Variants in PI4KA observed in about 807,000 individuals in gnomAD.
The protein encoded by PI4KA is PI4-kinase alpha.
PI4KA carries 122 observed loss-of-function variants against 271.4 expected under a neutral mutation model. The ratio of observed to expected loss-of-function variants is 0.45; its 90% confidence interval spans 0.39 to 0.52. The LOEUF (loss-of-function observed/expected upper bound fraction) is 0.52, where lower values mean the gene tolerates loss of function less well. Ranked by LOEUF, PI4KA falls within the 20% of genes least tolerant of loss-of-function variation. The pLI is 0.00. For missense variants in PI4KA, 1,969 were observed against 2,769.1 expected (o/e 0.71, Z 6.48); for synonymous variants, 1,041 against 1,078.8 (o/e 0.96, Z 0.69).
At position 20,804,283 on chromosome 22, in the gene PI4KA, G is replaced by A; in HGVS notation, c.1461+17C>T. 1 of 1,559,220 alleles carries A rather than the reference G, an allele frequency of 6.4e-7. No homozygotes were observed. The highest frequency in any genetic ancestry group is 8.9e-7 in the Non-Finnish European group (1 of 1,129,924). ...TACAGGTGGGATCTGAGCCTCTCTG[G>A]GTTCAGGGAGACTGACCTGCAGACA... On this transcript the variant is annotated intron_variant, in intron 12 of 54. Coordinates refer to ENST00000255882, the MANE Select transcript of PI4KA (RefSeq NM_058004.4).
At position 20,763,026 on chromosome 22, in the gene PI4KA, G is replaced by GTGGT. The variant is rs1555888580; in HGVS notation, c.2709-1641_2709-1640insACCA. On this transcript the variant is annotated intron_variant, in intron 22 of 54. Coordinates refer to ENST00000255882, the MANE Select transcript of PI4KA (RefSeq NM_058004.4). ...TTTTTGCTTTTTTTTTTGGGGGGGG[G>GTGGT]GGGGGTTAGAGACAAGTTCTTGCTC... Among the ~76,000 whole-genome samples, 11 of 68,508 alleles carry GTGGT rather than the reference G, an allele frequency of 1.6e-4. 2 individuals are homozygous for GTGGT. The highest frequency in any genetic ancestry group is 5.2e-4 in the East Asian group (1 of 1,940). 44.9% of individuals were successfully genotyped at this position (68,508 alleles called of 152,430 possible).
chr22:20,729,414 G>A lies in PI4KA; in HGVS notation c.4581C>T (p.Asn1527=), dbSNP rs773749115. The part of the protein sequence containing the change: ...LDQAGENSVA[N]WRSKYISLSE... ...TCAGGCTGATGTACTTAGATCTCCA[G>A]TTGGCCACGCTGTTCTCTCCGGCCT... The change falls in exon 39 of 55, where the codon AAC becomes AAT. Residue 1527 remains asparagine (N), a synonymous_variant. Coordinates refer to ENST00000255882, the MANE Select transcript of PI4KA (RefSeq NM_058004.4). The A allele has an allele frequency of 6.8e-6, 11 of 1,613,756 alleles. No individual in the cohort carries two copies. Among genetic ancestry groups the A allele is most frequent in the Non-Finnish European group, 4.2e-6 (5 of 1,179,870 alleles).
At chr22:20,815,917 G>T (rs183691921) in intron 7 of PI4KA, among the ~76,000 whole-genome samples, 1 of 151,912 alleles carries the variant, frequency 6.6e-6, no homozygotes, top group African/African-American at 2.4e-5. Context: ...TGGGATTTAC[G>T]CAGGGGGTGT....
chr22:20,841,795 A>G (rs1012511187), intron 1 of PI4KA, among the ~76,000 whole-genome samples: 11 of 152,160 alleles, frequency 7.2e-5, no homozygotes, highest in African/African-American at 2.7e-4. Context: ...TTAAAAGGAG[A>G]AGAGAGAGGC....
chr22:20,720,085 TATG>T (rs1284892078), intron 43 of PI4KA, among the ~76,000 whole-genome samples: 2 of 106,944 alleles, frequency 1.9e-5, no homozygotes, highest in Non-Finnish European at 4.0e-5. Context: ...TGTGAACAAA[TATG>T]ATTTTTCCAC....
intron 1 of PI4KA, among the ~76,000 whole-genome samples, chr22:20,853,558 G>C (rs1927243960): frequency 6.6e-6 from 1 of 152,214 alleles, no homozygotes. Flanking sequence ...TCTCCCAGAG[G>C]GAGAGGGCTG....
At chr22:20,721,653 A>G in intron 42 of PI4KA, 1 of 518,114 alleles carries the variant, frequency 1.9e-6, no homozygotes. Flanking sequence ...GGCGACAGTC[A>G]GCCTTTGTCT....
At chr22:20,794,076 T>C (rs1934821827) in intron 18 of PI4KA, among the ~76,000 whole-genome samples, 1 of 152,206 alleles carries the variant, frequency 6.6e-6, no homozygotes, top group Non-Finnish European at 1.5e-5. Flanking sequence ...GCTGTAAACA[T>C]ATACACCTAC....
intron 22 of PI4KA, among the ~76,000 whole-genome samples, chr22:20,763,020 G>GGGGGT (rs1555888550): frequency 1.9e-4 from 15 of 76,942 alleles, no homozygotes; most frequent in South Asian, 5.7e-4. Flanking sequence ...TTTTTTTTGG[G>GGGGGT]GGGGGGGGGG....
chr22:20,796,406 CA>C, intron 17 of PI4KA, 92 bp from the exon 18 acceptor site: 1 of 1,207,884 alleles, frequency 8.3e-7, no homozygotes, highest in South Asian at 1.4e-5. Flanking sequence ...CTGAGCGGGC[CA>C]GGCCCAGCCT....
chr22:20,807,292 A>G, intron 10 of PI4KA, 70 bp downstream of exon 10: 1 of 933,482 alleles, frequency 1.1e-6, no homozygotes, highest in South Asian at 1.3e-5. Flanking sequence ...GTCTGCAACC[A>G]CTAGCATGCG....
intron 45 of PI4KA, 66 bp from the exon 46 acceptor site, chr22:20,714,766 C>T: frequency 6.5e-7 from 1 of 1,549,640 alleles, no homozygotes; most frequent in Non-Finnish European, 8.8e-7. Flanking sequence ...GAGTCAGTTT[C>T]CAACACGGAT....
At chr22:20,746,061 A>AAT (rs1930041065) in intron 29 of PI4KA, among the ~76,000 whole-genome samples, 1 of 71,578 alleles carries the variant, frequency 1.4e-5, no homozygotes. Flanking sequence ...AAAAAAAAGA[A>AAT]TTTTTTTTTT....
chr22:20,774,496 C>T (rs1933087184), intron 19 of PI4KA, among the ~76,000 whole-genome samples: 2 of 152,206 alleles, frequency 1.3e-5, no homozygotes, highest in African/African-American at 4.8e-5. Flanking sequence ...GGTGCAGTGG[C>T]TCACGCCTGT....
chr22:20,758,182 A>G (rs1931518963), intron 23 of PI4KA, among the ~76,000 whole-genome samples: 1 of 151,766 alleles, frequency 6.6e-6, no homozygotes, highest in Non-Finnish European at 1.5e-5. Context: ...TGGCTAACAC[A>G]GTGAAACCCC....
chr22:20,834,286 G>C (rs1349944926), intron 3 of PI4KA, among the ~76,000 whole-genome samples: 1 of 152,184 alleles, frequency 6.6e-6, no homozygotes, highest in Non-Finnish European at 1.5e-5. Flanking sequence ...AATGAGACAT[G>C]AGAAAAGGTT....
intron 22 of PI4KA, among the ~76,000 whole-genome samples, chr22:20,763,123 G>GC (rs1569002270): frequency 6.7e-6 from 1 of 150,040 alleles, no homozygotes; most frequent in Non-Finnish European, 1.5e-5. Context: ...TTAGCCATTT[G>GC]TTTTTTTGAG....
At chr22:20,793,450 T>C (rs1478544336) in intron 18 of PI4KA, 2 of 498,620 alleles carry the variant, frequency 4.0e-6, no homozygotes, top group South Asian at 2.8e-5. Flanking sequence ...AAATAAACCA[T>C]GGTTACATAA....
At position 20,731,898 on chromosome 22, in the gene PI4KA, C is replaced by T. The variant is rs1202166328; in HGVS notation, c.4288+1073G>A. On this transcript the variant is annotated intron_variant, in intron 36 of 54. Coordinates refer to ENST00000255882, the MANE Select transcript of PI4KA (RefSeq NM_058004.4). ...GAGCGGAGACTGCACCACTGCATTCCAGCCTGGGCGACAGAGTGAGACTCC... is the reference window on the plus strand; with the variant it reads ...GAGCGGAGACTGCACCACTGCATTCTAGCCTGGGCGACAGAGTGAGACTCC... Among the ~76,000 whole-genome samples, 5 of 150,266 alleles carry T rather than the reference C, an allele frequency of 3.3e-5. No individual in the cohort carries two copies. The East Asian group carries it at 9.8e-4, about 29-fold the overall frequency.
Sources: gnomAD v4.1 joint callset for allele counts (sites outside exome capture counted in the v4.1 genomes callset) on GRCh38, gnomAD v4.1.1 for gene constraint, MANE v1.5 for transcripts, NCBI Gene and HGNC (gene_info 2026-07-23, HGNC 2026-07-21) for gene names.